The following SOCS7 variants were observed in gnomAD, a reference collection of about 807,000 sequenced individuals.
SOCS7 encodes suppressor of cytokine signaling 7, also known as NAP-4.
A neutral mutation model predicts 58.9 loss-of-function variants in SOCS7; 18 were observed. The ratio of observed to expected loss-of-function variants is 0.31; its 90% confidence interval spans 0.21 to 0.45. The LOEUF is 0.45. Among genes scored for constraint, SOCS7 ranks in the 20% least tolerant of loss-of-function variants. SOCS7 has a pLI of 1.00. For missense variants in SOCS7, 667 were observed against 837.3 expected (o/e 0.80, Z 2.51); for synonymous variants, 388 against 364.3 (o/e 1.06, Z -0.74).
intron 7 of SOCS7, among the ~76,000 whole-genome samples, chr17:38,390,640 T>TTTCCTTCCTTCCTTCC (rs60020052): frequency 1.3e-3 from 151 of 114,398 alleles, no homozygotes; most frequent in African/African-American, 2.6e-3. Flanking sequence ...TTTTGTTCGT[T>TTTCCTTCCTTCCTTCC]TTCCTTCCTT....
chr17:38,394,708 T>G (rs2038222734), intron 7 of SOCS7, among the ~76,000 whole-genome samples: 1 of 152,142 alleles, frequency 6.6e-6, no homozygotes. Flanking sequence ...GTGTCTCTAG[T>G]TTGGCATAAT....
chr17:38,385,188 G>A (rs2038053296), intron 7 of SOCS7, among the ~76,000 whole-genome samples: 1 of 152,000 alleles, frequency 6.6e-6, no homozygotes. Flanking sequence ...GAGCCACCGT[G>A]CCCAGCAGCA....
rs2038363500 is a variant in SOCS7, at chr17:38,404,471, A to G, written c.*4989A>G. On this transcript the variant is annotated 3_prime_UTR_variant, in exon 10 of 10. Coordinates refer to ENST00000612932, the MANE Select transcript of SOCS7 (RefSeq NM_014598.4). Reference sequence around the variant, plus strand: ...TTGTGACCTGCTTCATTCCCATTTCATTTCTAGAGGGTTTAGAGGTGACCT... The same window carrying G: ...TTGTGACCTGCTTCATTCCCATTTCGTTTCTAGAGGGTTTAGAGGTGACCT... 1.3e-5 allele frequency: 2 copies of G among 151,718 alleles called. No individual in the cohort carries two copies. The highest frequency in any genetic ancestry group is 4.2e-4 in the South Asian group (2 of 4,792). 9.4% of individuals were successfully genotyped at this position (151,718 alleles called of 1,614,324 possible).
intron 6 of SOCS7, among the ~76,000 whole-genome samples, chr17:38,369,993 A>G (rs2037841219): frequency 1.3e-5 from 2 of 151,988 alleles, no homozygotes. Flanking sequence ...GGGTTTCACC[A>G]TGTTGGTGAG....
chr17:38,388,079 A>C (rs2144385665), intron 7 of SOCS7, among the ~76,000 whole-genome samples: 1 of 151,168 alleles, frequency 6.6e-6, no homozygotes, highest in South Asian at 2.1e-4. Flanking sequence ...TGCCTGGCCC[A>C]CTTAATGGCT....
intron 7 of SOCS7, among the ~76,000 whole-genome samples, chr17:38,380,493 G>T (rs1021198997): frequency 2.6e-5 from 4 of 151,922 alleles, no homozygotes; most frequent in Non-Finnish European, 5.9e-5. Flanking sequence ...AGCCAGGTGT[G>T]GTGGTGCACG....
At chr17:38,356,194 T>G (rs587716241) in intron 1 of SOCS7, among the ~76,000 whole-genome samples, 21 of 152,108 alleles carry the variant, frequency 1.4e-4, no homozygotes, top group Middle Eastern at 3.4e-3. Flanking sequence ...TCTGGCCAAC[T>G]TAGATAACTG....
intron 6 of SOCS7, among the ~76,000 whole-genome samples, chr17:38,373,370 A>T (rs1040431253): frequency 6.6e-6 from 1 of 152,130 alleles, no homozygotes; most frequent in African/African-American, 2.4e-5. Flanking sequence ...AGGAGAAAGG[A>T]TATCTGCCTG....
At chr17:38,356,160 G>GGATTACA (rs2037634593) in intron 1 of SOCS7, among the ~76,000 whole-genome samples, 1 of 152,004 alleles carries the variant, frequency 6.6e-6, no homozygotes, top group African/African-American at 2.4e-5. Context: ...CAAAGTGCTG[G>GGATTACA]GATTACAGTC....
intron 6 of SOCS7, among the ~76,000 whole-genome samples, chr17:38,373,395 G>A (rs922121829): frequency 3.3e-5 from 5 of 152,176 alleles, no homozygotes; most frequent in Non-Finnish European, 7.3e-5. Context: ...GGTTTTTAAT[G>A]AAGATGAAAG....
chr17:38,390,905 A>T (rs2144395424), intron 7 of SOCS7, among the ~76,000 whole-genome samples: 1 of 152,170 alleles, frequency 6.6e-6, no homozygotes, highest in East Asian at 1.9e-4. Flanking sequence ...CGCATTGCCC[A>T]GGCTGGTTTC....
At chr17:38,399,330 C>T (rs1445343137) in intron 9 of SOCS7, among the ~76,000 whole-genome samples, 183 bp from the exon 10 acceptor site, 1 of 152,206 alleles carries the variant, frequency 6.6e-6, no homozygotes, top group East Asian at 1.9e-4. Flanking sequence ...CTGCTCAGGT[C>T]CCCCTGACAA....
At chr17:38,394,706 A>C (rs1597714305) in intron 7 of SOCS7, among the ~76,000 whole-genome samples, 1 of 152,142 alleles carries the variant, frequency 6.6e-6, no homozygotes, top group Non-Finnish European at 1.5e-5. Context: ...CAGTGTCTCT[A>C]GTTTGGCATA....
chr17:38,379,269 A>G (rs2037971675), intron 7 of SOCS7, among the ~76,000 whole-genome samples: 1 of 151,984 alleles, frequency 6.6e-6, no homozygotes, highest in African/African-American at 2.4e-5. Context: ...ACCTGAGGTC[A>G]GGAGTTCGAG....
At chr17:38,372,327 C>T (rs369960088) in intron 6 of SOCS7, among the ~76,000 whole-genome samples, 121 of 152,164 alleles carry the variant, frequency 8.0e-4, no homozygotes, top group African/African-American at 2.3e-3. Flanking sequence ...CTTATGCACA[C>T]AAACCGTACA....
Position 38,396,342 on chromosome 17 carries a change from T to C in SOCS7, c.*30+344T>C, listed in dbSNP as rs139179189. Among the ~76,000 whole-genome samples the C allele has an allele frequency of 7.0e-4, 106 of 152,268 alleles. 1 individual carries two copies. The East Asian group carries it at 0.02, about 28-fold the overall frequency. The stretch of plus-strand genomic sequence containing the variant: ...ATAAGAAGAAGAGTGCAGCCTCCTC[T>C]CATACAGACTTGGGCTGATCTCCCT... On this transcript the variant is annotated intron_variant, in intron 9 of 9. Transcript: ENST00000612932.
chr17:38,368,760 C>T (rs1216504075), intron 6 of SOCS7, among the ~76,000 whole-genome samples: 1 of 152,162 alleles, frequency 6.6e-6, no homozygotes, highest in Non-Finnish European at 1.5e-5. Context: ...CCTCGGCCTC[C>T]CAAAGGGCTT....
rs779952709 is a variant in SOCS7, at chr17:38,377,788, A to G, written c.1627A>G (p.Ile543Val). Residue 543 changes from isoleucine to valine, a missense_variant, in exon 7 of 10, where the codon ATT (isoleucine) becomes GTT (valine). By Grantham distance (29) the Ile-to-Val change is conservative. Coordinates refer to ENST00000612932, the MANE Select transcript of SOCS7 (RefSeq NM_014598.4). Reference protein sequence around the residue: ...QSVVEFIKRAIMHSKNGKFLY... With the variant: ...QSVVEFIKRAVMHSKNGKFLY... ...TGTTGTAGAGTTTATTAAGAGAGCC[A>G]TTATGCACTCCAAGAATGGAAAGTT... is the stretch of plus-strand genomic sequence containing the variant. 3.7e-6 allele frequency: 6 copies of G among 1,613,812 alleles called. No homozygotes were observed. The East Asian group carries it at 6.7e-5, about 18-fold the overall frequency.
At chr17:38,395,712 C>T in intron 8 of SOCS7, 136 bp from the exon 9 acceptor site, 1 of 972,798 alleles carries the variant, frequency 1.0e-6, no homozygotes, top group Non-Finnish European at 1.5e-6. Flanking sequence ...GAAGACAGAA[C>T]TATAATAACT....
Sources: gnomAD v4.1 joint callset for allele counts (sites outside exome capture counted in the v4.1 genomes callset) on GRCh38, gnomAD v4.1.1 for gene constraint, MANE v1.5 for transcripts, NCBI Gene and HGNC (gene_info 2026-07-23, HGNC 2026-07-21) for gene names.